DPP10: variants seen among roughly 807,000 people sequenced by gnomAD.
DPP10 encodes the protein inactive dipeptidyl peptidase 10.
In DPP10, 33 loss-of-function variants were observed where a neutral mutation model predicts 120.9. That is an observed-to-expected ratio of 0.27 (90% CI 0.21 to 0.37). The LOEUF (loss-of-function observed/expected upper bound fraction) is 0.37, where lower values mean the gene tolerates loss of function less well. Ranked by LOEUF, DPP10 falls within the 10% of genes least tolerant of loss-of-function variation. The pLI is 1.00. For missense variants in DPP10, 816 were observed against 942.8 expected (o/e 0.87, Z 1.76); for synonymous variants, 337 against 326.1 (o/e 1.03, Z -0.36).
chr2:115,691,831 CTT>C lies in DPP10; in HGVS notation c.576+1911_576+1912del, dbSNP rs141449523. Among the ~76,000 whole-genome samples, 9 of 152,186 alleles carry C rather than the reference CTT, an allele frequency of 5.9e-5. No homozygotes were observed. In the East Asian group the frequency reaches 1.5e-3, roughly 26 times the overall value. On this transcript the variant is annotated intron_variant, in intron 7 of 25. Transcript: ENST00000410059. Reference sequence around the variant, plus strand: ...TGTATGTATTTAGTTATTTAAGACTCTTAATATCTCAAATTTTACAATTTTAT... The same window carrying C: ...TGTATGTATTTAGTTATTTAAGACTCAATATCTCAAATTTTACAATTTTAT...
intron 1 of DPP10, chr2:115,064,564 C>T (rs573575872): frequency 1.6e-5 from 16 of 1,023,994 alleles, no homozygotes; most frequent in South Asian, 8.5e-5. Context: ...CCACCACCCA[C>T]CCCTACACAC....
intron 1 of DPP10, among the ~76,000 whole-genome samples, chr2:114,663,070 G>T (rs1442787483): frequency 3.9e-5 from 6 of 152,016 alleles, no homozygotes; most frequent in Non-Finnish European, 8.8e-5. Flanking sequence ...GTGTATACAT[G>T]TACATATCCA....
chr2:115,506,924 C>G (rs2076974572), intron 4 of DPP10, among the ~76,000 whole-genome samples: 1 of 151,994 alleles, frequency 6.6e-6, no homozygotes, highest in African/African-American at 2.4e-5. Flanking sequence ...ATTGTGATGA[C>G]TATAACCTGT....
chr2:115,066,671 G>A (rs1043397524), intron 1 of DPP10: 1 of 152,120 alleles, frequency 6.6e-6, no homozygotes, highest in Non-Finnish European at 1.5e-5. Flanking sequence ...TAATTACTGG[G>A]AACCTGATGC....
intron 5 of DPP10, among the ~76,000 whole-genome samples, chr2:115,629,964 G>T (rs2085704245): frequency 6.6e-6 from 1 of 152,006 alleles, no homozygotes; most frequent in Non-Finnish European, 1.5e-5. Context: ...TAATGGGAGG[G>T]AATAACATCG....
chr2:115,805,147 A>T (rs1465889816), intron 19 of DPP10, among the ~76,000 whole-genome samples: 1 of 151,942 alleles, frequency 6.6e-6, no homozygotes, highest in Non-Finnish European at 1.5e-5. Flanking sequence ...CCCCTCCCCC[A>T]GCCTCACTGC....
chr2:115,591,168 C>T (rs967319394), intron 5 of DPP10, among the ~76,000 whole-genome samples: 3 of 152,104 alleles, frequency 2.0e-5, no homozygotes, highest in East Asian at 3.8e-4. Context: ...TAATTAGATC[C>T]CATTTGTCAA....
intron 5 of DPP10, among the ~76,000 whole-genome samples, chr2:115,625,555 G>A (rs2085293517): frequency 6.6e-6 from 1 of 152,086 alleles, no homozygotes; most frequent in Non-Finnish European, 1.5e-5. Flanking sequence ...GGCAGTTGTT[G>A]ATAAAAGGAT....
At chr2:115,447,169 A>T (rs2072681685) in intron 3 of DPP10, among the ~76,000 whole-genome samples, 1 of 152,158 alleles carries the variant, frequency 6.6e-6, no homozygotes, top group South Asian at 2.1e-4. Flanking sequence ...TTAAGATTTA[A>T]TGACTGCCCC....
chr2:115,475,716 G>A (rs747868252), intron 3 of DPP10, among the ~76,000 whole-genome samples: 20 of 152,332 alleles, frequency 1.3e-4, no homozygotes, highest in Non-Finnish European at 2.6e-4. Context: ...AGCCACAGGA[G>A]TGGAGCTGCC....
intron 1 of DPP10, among the ~76,000 whole-genome samples, chr2:114,535,730 A>G (rs1244621605): frequency 1.3e-5 from 2 of 151,960 alleles, no homozygotes; most frequent in Non-Finnish European, 2.9e-5. Context: ...TTTTTTCTGA[A>G]TTACAAATAT....
At chr2:114,976,470 C>T (rs145537241) in intron 1 of DPP10, among the ~76,000 whole-genome samples, 18 of 152,260 alleles carry the variant, frequency 1.2e-4, no homozygotes, top group South Asian at 4.1e-4. Context: ...CAATATTCCT[C>T]GAAGGCTTTT....
intron 1 of DPP10, chr2:115,066,650 T>C (rs1706865494): frequency 6.6e-6 from 1 of 152,192 alleles, no homozygotes; most frequent in East Asian, 1.9e-4. Flanking sequence ...ATCTATGATT[T>C]CCTCCACAGA....
chr2:114,929,509 TG>T (rs1473588231), intron 1 of DPP10, among the ~76,000 whole-genome samples: 2 of 152,146 alleles, frequency 1.3e-5, no homozygotes, highest in Admixed American at 6.5e-5. Context: ...TATTCCTTAC[TG>T]GGAAAAGAAT....
intron 1 of DPP10, among the ~76,000 whole-genome samples, chr2:114,917,603 A>T (rs978855873): frequency 6.6e-6 from 1 of 152,176 alleles, no homozygotes; most frequent in Non-Finnish European, 1.5e-5. Context: ...TTTGTGTAAA[A>T]ACAGACACAT....
chr2:115,836,169 T>C lies in DPP10; in HGVS notation c.1963T>C (p.Tyr655His). Residue 655 changes from tyrosine to histidine, a missense_variant, in exon 22 of 26, where the codon TAT (tyrosine) becomes CAT (histidine). Physicochemically the swap from Tyr to His is moderately conservative, Grantham distance 83 (BLOSUM62 2). This residue lies in a region of DPP10 where 592 missense variants were observed against 649.0 expected (regional missense o/e 0.91). Transcript: ENST00000410059. Reference sequence around the variant, plus strand: ...TTTTCCCCCCCAGGGTTATGGTGGCTATATTGCATCAATGATCTTAAAATC... The same window carrying C: ...TTTTCCCCCCCAGGGTTATGGTGGCCATATTGCATCAATGATCTTAAAATC... The part of the protein sequence containing the change: ...LSIFGKGYGG[Y>H]IASMILKSDE... The C allele has an allele frequency of 1.3e-6, 2 of 1,596,626 alleles. No homozygotes were observed. Among genetic ancestry groups the C allele is most frequent in the Non-Finnish European group, 1.7e-6 (2 of 1,172,948 alleles).
intron 1 of DPP10, among the ~76,000 whole-genome samples, chr2:114,539,972 A>T (rs1475687143): frequency 3.3e-5 from 5 of 152,288 alleles, no homozygotes; most frequent in African/African-American, 1.2e-4. Flanking sequence ...AAGTGTTCGC[A>T]ATTCATCACC....
intron 1 of DPP10, among the ~76,000 whole-genome samples, chr2:114,717,129 A>G (rs1242305107): frequency 6.6e-6 from 1 of 152,200 alleles, no homozygotes; most frequent in Non-Finnish European, 1.5e-5. Flanking sequence ...ATTGTAATGG[A>G]AATGTACATT....
intron 1 of DPP10, among the ~76,000 whole-genome samples, chr2:115,122,364 G>C (rs745580988): frequency 1.3e-5 from 2 of 152,138 alleles, no homozygotes; most frequent in Non-Finnish European, 2.9e-5. Flanking sequence ...ACTAGTGCTT[G>C]CTGGGTACCC....
Sources: allele counts gnomAD v4.1 joint callset (sites outside exome capture counted in the v4.1 genomes callset), GRCh38; gene constraint gnomAD v4.1.1; regional missense constraint gnomAD v4.1.1; transcripts MANE v1.5; gene names NCBI Gene and HGNC (gene_info 2026-07-23, HGNC 2026-07-21).